KCNQ3: variants seen among roughly 807,000 people sequenced by gnomAD.
KCNQ3 encodes potassium voltage-gated channel subfamily Q member 3.
Under a neutral mutation model 92.5 loss-of-function variants are expected in KCNQ3, and 30 were observed. That is an observed-to-expected ratio of 0.32 (90% CI 0.24 to 0.44). KCNQ3 has a LOEUF of 0.44. Ranked by LOEUF, KCNQ3 falls within the 20% of genes least tolerant of loss-of-function variation. The probability of loss-of-function intolerance (pLI) is 1.00; values close to 1 mark genes in which losing one functional copy is unlikely to be tolerated. For missense variants in KCNQ3, 913 were observed against 1,140.3 expected (o/e 0.80, Z 2.87); for synonymous variants, 450 against 468.8 (o/e 0.96, Z 0.52).
intron 1 of KCNQ3, chr8:132,447,261 G>C: frequency 6.5e-7 from 1 of 1,535,424 alleles, no homozygotes; most frequent in Non-Finnish European, 8.7e-7. Context: ...TTTTTAACAA[G>C]TGGTGGTAAC....
At chr8:132,245,010 G>T (rs190952754) in intron 1 of KCNQ3, among the ~76,000 whole-genome samples, 1 of 149,928 alleles carries the variant, frequency 6.7e-6, no homozygotes, top group Non-Finnish European at 1.5e-5. Flanking sequence ...TTTCTTTTAC[G>T]CATTTATTTA....
intron 1 of KCNQ3, among the ~76,000 whole-genome samples, chr8:132,436,319 T>C (rs1821394929): frequency 6.6e-6 from 1 of 152,234 alleles, no homozygotes; most frequent in Non-Finnish European, 1.5e-5. Context: ...GAAGATGCTA[T>C]AAAATTTTTT....
intron 1 of KCNQ3, among the ~76,000 whole-genome samples, chr8:132,407,442 G>A (rs1475182157): frequency 2.0e-5 from 3 of 152,202 alleles, no homozygotes; most frequent in Non-Finnish European, 2.9e-5. Context: ...GGTTACACTG[G>A]CCTCTGAACA....
intron 6 of KCNQ3, among the ~76,000 whole-genome samples, chr8:132,173,160 C>T (rs550074892): frequency 3.3e-5 from 5 of 152,256 alleles, no homozygotes; most frequent in African/African-American, 1.2e-4. Flanking sequence ...TGACTATAGC[C>T]GGAACTTCCC....
At chr8:132,130,447 A>G (rs1170471989) in intron 14 of KCNQ3, among the ~76,000 whole-genome samples, 1 of 152,206 alleles carries the variant, frequency 6.6e-6, no homozygotes, top group Non-Finnish European at 1.5e-5. Context: ...TTAATAATAG[A>G]AACAGCTAAT....
intron 1 of KCNQ3, among the ~76,000 whole-genome samples, chr8:132,337,959 C>T (rs540032677): frequency 6.6e-6 from 1 of 152,242 alleles, no homozygotes; most frequent in Non-Finnish European, 1.5e-5. Flanking sequence ...TTTTCCAAAT[C>T]AATTCAACAT....
intron 1 of KCNQ3, among the ~76,000 whole-genome samples, chr8:132,478,394 C>G (rs916328939): frequency 6.6e-6 from 1 of 152,144 alleles, no homozygotes; most frequent in Non-Finnish European, 1.5e-5. Context: ...ACGCGATGTG[C>G]ATGTGAAAGG....
chr8:132,411,368 G>A (rs1820647025), intron 1 of KCNQ3, among the ~76,000 whole-genome samples: 2 of 152,106 alleles, frequency 1.3e-5, no homozygotes, highest in Non-Finnish European at 2.9e-5. Context: ...AGGGGACACC[G>A]ACATGGGATT....
intron 1 of KCNQ3, among the ~76,000 whole-genome samples, chr8:132,307,371 A>T (rs188871251): frequency 5.8e-4 from 88 of 152,310 alleles, no homozygotes; most frequent in African/African-American, 2.1e-3. Context: ...CTGATTCAAG[A>T]GGGAGCTAGT....
intron 1 of KCNQ3, among the ~76,000 whole-genome samples, chr8:132,336,475 T>G (rs1818370251): frequency 6.6e-6 from 1 of 152,188 alleles, no homozygotes; most frequent in Non-Finnish European, 1.5e-5. Flanking sequence ...GAGGATAATA[T>G]TCATGGAGCT....
chr8:132,290,041 C>T (rs551666285), intron 1 of KCNQ3, among the ~76,000 whole-genome samples: 238 of 152,290 alleles, frequency 1.6e-3, no homozygotes, highest in Non-Finnish European at 6.9e-4. Context: ...GTACAGCAGA[C>T]TTTAATTCAT....
At chr8:132,225,509 G>A (rs781275649) in intron 1 of KCNQ3, among the ~76,000 whole-genome samples, 2 of 152,162 alleles carry the variant, frequency 1.3e-5, no homozygotes, top group Non-Finnish European at 2.9e-5. Flanking sequence ...ACCAAGAACT[G>A]GGACAATATG....
chr8:132,378,062 T>G (rs1705841232), intron 1 of KCNQ3, among the ~76,000 whole-genome samples: 1 of 152,098 alleles, frequency 6.6e-6, no homozygotes, highest in Non-Finnish European at 1.5e-5. Flanking sequence ...AAGTGGAAGA[T>G]ACTGATTATG....
In KCNQ3 at chr8:132,209,544, A is replaced by AACAC. The variant is rs35210912; in HGVS notation, c.387-23367_387-23364dup. On this transcript the variant is annotated intron_variant, in intron 1 of 14. Transcript: ENST00000388996. ...GTAATTCACACCACACACACACACA[A>AACAC]ACACACACACACACACACACACGTA... 5.2e-5 allele frequency among the ~76,000 whole-genome samples: 7 copies of AACAC among 135,378 alleles called. No homozygotes were observed. The East Asian group carries it at 1.3e-3, about 25-fold the overall frequency. The allele number at this position is 135,378 out of a possible 152,430, so 88.8% of individuals were successfully genotyped here. A position where few individuals can be genotyped will look rare whatever the true frequency, so the allele number is the denominator to read the frequency against.
At chr8:132,342,614 G>A (rs1381116912) in intron 1 of KCNQ3, among the ~76,000 whole-genome samples, 1 of 152,206 alleles carries the variant, frequency 6.6e-6, no homozygotes, top group African/African-American at 2.4e-5. Flanking sequence ...AGAAGCAGTA[G>A]TTGCTCTCTT....
rs577179718 is a variant in KCNQ3, at chr8:132,322,130, G to A, written c.387-135949C>T. Among the ~76,000 whole-genome samples the A allele has an allele frequency of 4.6e-5, 7 of 152,226 alleles. No homozygotes were observed. In the East Asian group the frequency reaches 1.2e-3, roughly 25 times the overall value. ...CATATGACGGGTAGTGGGAGCAAGG[G>A]GCTAACAAAGAGACTTTAGCTTGCA... On this transcript the variant is annotated intron_variant, in intron 1 of 14. Coordinates refer to ENST00000388996, the MANE Select transcript of KCNQ3 (RefSeq NM_004519.4).
At chr8:132,443,781 G>C (rs1351114869) in intron 1 of KCNQ3, among the ~76,000 whole-genome samples, 2 of 146,802 alleles carry the variant, frequency 1.4e-5, no homozygotes, top group Non-Finnish European at 3.0e-5. Context: ...TGAGTTCCAG[G>C]AGCCCTGAGT....
At chr8:132,242,040 T>G (rs979099852) in intron 1 of KCNQ3, among the ~76,000 whole-genome samples, 7 of 152,120 alleles carry the variant, frequency 4.6e-5, no homozygotes, top group Non-Finnish European at 8.8e-5. Context: ...CACAACCACT[T>G]AACAGCAACG....
chr8:132,353,065 A>C (rs1432146055), intron 1 of KCNQ3, among the ~76,000 whole-genome samples: 1 of 152,200 alleles, frequency 6.6e-6, no homozygotes, highest in Non-Finnish European at 1.5e-5. Context: ...TCTCTACTGA[A>C]AATACAAAAA....
Sources: gnomAD v4.1 joint callset for allele counts (sites outside exome capture counted in the v4.1 genomes callset) on GRCh38, gnomAD v4.1.1 for gene constraint, MANE v1.5 for transcripts, NCBI Gene and HGNC (gene_info 2026-07-23, HGNC 2026-07-21) for gene names.